The following PIP5K1C variants were observed in gnomAD, a reference collection of about 807,000 sequenced individuals.
PIP5K1C encodes phosphatidylinositol-4-phosphate 5-kinase type 1 gamma.
PIP5K1C carries 45 observed loss-of-function variants against 80.1 expected under a neutral mutation model. The ratio of observed to expected loss-of-function variants is 0.56; its 90% CI spans 0.44 to 0.72. The LOEUF is 0.72. Among genes scored for constraint, PIP5K1C ranks in the 30% least tolerant of loss-of-function variants. PIP5K1C has a pLI of 0.00. For missense variants in PIP5K1C, 753 were observed against 954.6 expected (o/e 0.79, Z 2.78); for synonymous variants, 498 against 420.1 (o/e 1.19, Z -2.27).
At chr19:3,641,522 G>A (rs1242402598) in intron 15 of PIP5K1C, among the ~76,000 whole-genome samples, 183 bp downstream of exon 15, 3 of 152,158 alleles carry the variant, frequency 2.0e-5, no homozygotes, top group Admixed American at 2.0e-4. Flanking sequence ...TGGGGGCTAG[G>A]ATCACCCCGG....
rs1175916148 is a variant in PIP5K1C at position 3,662,975 on chromosome 19, C to T, written c.220-974G>A. 2.0e-5 allele frequency among the ~76,000 whole-genome samples: 3 copies of T among 152,198 alleles called. No homozygotes were observed. The East Asian group carries it at 5.8e-4, about 29-fold the overall frequency. ...CTCCTGGGTTCAAGCTATTCTCCCG[C>T]CTCAGCCTCCCAAGAGCTGGGATTA... On this transcript the variant is annotated intron_variant, in intron 3 of 17. Coordinates refer to ENST00000335312, the MANE Select transcript of PIP5K1C (RefSeq NM_012398.3).
chr19:3,647,862 G>C (rs1341657525), intron 9 of PIP5K1C, among the ~76,000 whole-genome samples: 3 of 152,218 alleles, frequency 2.0e-5, no homozygotes, highest in Admixed American at 6.5e-5. Context: ...CAGGAGAATA[G>C]GGTCGACTCA....
chr19:3,651,139 CCGCCTGCCACGCTCA>C (rs987399239), intron 8 of PIP5K1C, among the ~76,000 whole-genome samples: 36 of 151,628 alleles, frequency 2.4e-4, no homozygotes, highest in East Asian at 1.9e-4. Context: ...ACTGCAACCT[CCGCCTGCCACGCTCA>C]CGCCTGCCAC....
chr19:3,640,661 G>A lies in PIP5K1C; in HGVS notation c.1787+1044C>T, dbSNP rs1205684398. Among the ~76,000 whole-genome samples the A allele has an allele frequency of 3.3e-5, 5 of 151,446 alleles. 1 individual carries two copies. The South Asian group carries it at 6.3e-4, about 19-fold the overall frequency. On this transcript the variant is annotated intron_variant, in intron 15 of 17. Transcript: ENST00000335312. ...AATAAAATTAATCCCAGTACTTTGGGAGGCCAAGGTGGGCAGATCACTCGA... is the reference window on the plus strand; with the variant it reads ...AATAAAATTAATCCCAGTACTTTGGAAGGCCAAGGTGGGCAGATCACTCGA...
At chr19:3,695,625 GC>G (rs1308066972) in intron 1 of PIP5K1C, among the ~76,000 whole-genome samples, 1 of 152,192 alleles carries the variant, frequency 6.6e-6, no homozygotes, top group Non-Finnish European at 1.5e-5. Flanking sequence ...ATCCCGGGAG[GC>G]GGCCAGGGCG....
rs963569645 is a variant in PIP5K1C, at chr19:3,633,043, G to A, written c.*124C>T. 7 of 657,930 alleles carry A rather than the reference G, an allele frequency of 1.1e-5. No individual in the cohort carries two copies. The highest frequency in any genetic ancestry group is 1.8e-5 in the African/African-American group (1 of 55,654). 40.8% of individuals were successfully genotyped at this position (657,930 alleles called of 1,614,324 possible). On this transcript the variant is annotated 3_prime_UTR_variant, in exon 18 of 18. Coordinates refer to ENST00000335312, the MANE Select transcript of PIP5K1C (RefSeq NM_012398.3). ...GTCGGCATCCGTGCAGGGGGAGGAC[G>A]AGGTCCGGTGGGGCGGCGAGGCGGG...
chr19:3,643,414 G>A (rs1599939340), intron 12 of PIP5K1C, 33 bp from the exon 13 acceptor site: 2 of 1,611,404 alleles, frequency 1.2e-6, no homozygotes, highest in Non-Finnish European at 1.7e-6. Flanking sequence ...ACCTTGCGGA[G>A]CCTCCGAGCC....
At chr19:3,678,705 G>T (rs1430501296) in intron 1 of PIP5K1C, among the ~76,000 whole-genome samples, 47 of 125,780 alleles carry the variant, frequency 3.7e-4, no homozygotes, top group Non-Finnish European at 6.3e-4. Context: ...GATGGAGGGC[G>T]GGAGGGATGG....
chr19:3,655,921 G>A (rs1010166727), intron 6 of PIP5K1C, among the ~76,000 whole-genome samples: 6 of 152,226 alleles, frequency 3.9e-5, no homozygotes, highest in African/African-American at 4.8e-5. Flanking sequence ...TGAGTCATGC[G>A]GGATGAGGGG....
At chr19:3,691,882 G>T (rs970666136) in intron 1 of PIP5K1C, among the ~76,000 whole-genome samples, 8 of 152,190 alleles carry the variant, frequency 5.3e-5, no homozygotes, top group Non-Finnish European at 8.8e-5. Flanking sequence ...GGAGAGTGGG[G>T]ATGTTTGTTT....
chr19:3,693,194 G>A (rs549690781), intron 1 of PIP5K1C, among the ~76,000 whole-genome samples: 4 of 152,126 alleles, frequency 2.6e-5, no homozygotes, highest in African/African-American at 7.2e-5. Flanking sequence ...GACGATGCCC[G>A]AACCACACCC....
At chr19:3,658,739 C>CT (rs1232739081) in intron 5 of PIP5K1C, among the ~76,000 whole-genome samples, 2 of 152,218 alleles carry the variant, frequency 1.3e-5, no homozygotes, top group African/African-American at 4.8e-5. Context: ...GCGGAAAACA[C>CT]TGTGGAAAGG....
chr19:3,646,685 C>G (rs145284750), intron 10 of PIP5K1C, among the ~76,000 whole-genome samples: 138 of 152,350 alleles, frequency 9.1e-4, no homozygotes, highest in African/African-American at 3.2e-3. Context: ...CCCCAGAGGC[C>G]TCTGCCAGCT....
In PIP5K1C at chr19:3,688,323, GA is replaced by G. The variant is rs897507981; in HGVS notation, c.94+11973del. Among the ~76,000 whole-genome samples, 64 of 152,336 alleles carry G rather than the reference GA, an allele frequency of 4.2e-4. No individual in the cohort carries two copies. The highest frequency in any genetic ancestry group is 1.5e-3 in the African/African-American group (63 of 41,594). On this transcript the variant is annotated intron_variant, in intron 1 of 17. Coordinates refer to ENST00000335312, the MANE Select transcript of PIP5K1C (RefSeq NM_012398.3). The surrounding 1 kb of genome is among the most constrained non-coding windows in gnomAD (Gnocchi z 5.3). ...AGAGCCTGAGGTTAGGCCGTGGTGG[GA>G]AACAGAGCGGGGTGCCGCAGGGGAG...
At chr19:3,686,792 G>A (rs968868746) in intron 1 of PIP5K1C, among the ~76,000 whole-genome samples, 4 of 151,732 alleles carry the variant, frequency 2.6e-5, no homozygotes, top group African/African-American at 9.7e-5. Flanking sequence ...GAATGTAATA[G>A]CTAAAACTAT....
At chr19:3,677,746 T>TGGAG (rs1286943470) in intron 1 of PIP5K1C, among the ~76,000 whole-genome samples, 1 of 69,282 alleles carries the variant, frequency 1.4e-5, no homozygotes, top group African/African-American at 6.6e-5. Context: ...GATGGTGGGA[T>TGGAG]GGAGGGAGGG....
intron 2 of PIP5K1C, among the ~76,000 whole-genome samples, chr19:3,665,222 TC>T (rs2034969596): frequency 6.6e-6 from 1 of 152,066 alleles, no homozygotes. Context: ...TTCCAGGGTC[TC>T]CCCCAGGTGC....
intron 1 of PIP5K1C, among the ~76,000 whole-genome samples, chr19:3,678,104 AATGGAGGGATGGAGAG>A (rs1357359705): frequency 2.0e-4 from 15 of 73,776 alleles, no homozygotes; most frequent in Middle Eastern, 0.014. Context: ...AGGGAGGGAG[AATGGAGGGATGGAGAG>A]ATGGAGGGAT....
At chr19:3,685,546 C>G (rs545619417) in intron 1 of PIP5K1C, among the ~76,000 whole-genome samples, 1 of 151,774 alleles carries the variant, frequency 6.6e-6, no homozygotes, top group African/African-American at 2.4e-5. Context: ...CTGGCTAACA[C>G]GGTGAAACCC....
Sources: gnomAD v4.1 joint callset for allele counts (sites outside exome capture counted in the v4.1 genomes callset) on GRCh38, gnomAD v4.1.1 for gene constraint, Gnocchi (gnomAD v3.1) non-coding constraint, MANE v1.5 for transcripts, NCBI Gene and HGNC (gene_info 2026-07-23, HGNC 2026-07-21) for gene names.